PRKG1: variants seen among roughly 807,000 people sequenced by gnomAD.
The protein encoded by PRKG1 is protein kinase cGMP-dependent 1.
In PRKG1, 35 loss-of-function variants were observed where a neutral mutation model predicts 88.1. The ratio of observed to expected loss-of-function variants is 0.40; its 90% CI spans 0.30 to 0.53. PRKG1 has a LOEUF of 0.53. Ranked by LOEUF, PRKG1 falls within the 20% of genes least tolerant of loss-of-function variation. The probability of loss-of-function intolerance (pLI) is 0.59; values close to 1 mark genes in which losing one functional copy is unlikely to be tolerated. For missense variants in PRKG1, 540 were observed against 839.8 expected, an observed-to-expected ratio of 0.64 and a Z score of 4.41; for synonymous variants, 303 against 292.5, an observed-to-expected ratio of 1.04 and a Z score of -0.37.
At chr10:51,973,513 T>A (rs1256373280) in intron 5 of PRKG1, among the ~76,000 whole-genome samples, 4 of 152,164 alleles carry the variant, frequency 2.6e-5, no homozygotes, top group Non-Finnish European at 5.9e-5. Flanking sequence ...TTCTGACTTA[T>A]TCATCCTGTG....
At chr10:51,716,023 A>G (rs962625272) in intron 3 of PRKG1, among the ~76,000 whole-genome samples, 1 of 152,162 alleles carries the variant, frequency 6.6e-6, no homozygotes, top group Admixed American at 6.5e-5. Context: ...GCTTCTTGCT[A>G]TGTGGATGTC....
At chr10:51,414,304 C>T (rs759756212) in intron 2 of PRKG1, among the ~76,000 whole-genome samples, 50 of 152,144 alleles carry the variant, frequency 3.3e-4, no homozygotes, top group Non-Finnish European at 4.9e-4. Context: ...ACAAACAGGA[C>T]GGTGCTAGAA....
At chr10:51,712,765 A>T (rs1589225022) in intron 3 of PRKG1, among the ~76,000 whole-genome samples, 1 of 151,250 alleles carries the variant, frequency 6.6e-6, no homozygotes, top group Non-Finnish European at 1.5e-5. Context: ...AATTTTTTGT[A>T]TTTTTAGTAG....
intron 3 of PRKG1, among the ~76,000 whole-genome samples, chr10:51,607,141 A>G (rs16920202): frequency 0.059 from 8,974 of 152,256 alleles, 315 homozygotes; most frequent in Middle Eastern, 0.11. Flanking sequence ...AAATGTGCAT[A>G]TCGAATTAGT....
intron 7 of PRKG1, chr10:52,127,931 A>G (rs1482599747): frequency 1.5e-5 from 12 of 824,646 alleles, no homozygotes; most frequent in Non-Finnish European, 1.8e-5. Flanking sequence ...AAGGGATCCA[A>G]TTTTCAAAAA....
intron 2 of PRKG1, among the ~76,000 whole-genome samples, chr10:51,184,890 C>A (rs979512691): frequency 1.3e-5 from 2 of 152,078 alleles, no homozygotes; most frequent in Non-Finnish European, 1.5e-5. Context: ...GGAGCTCTGG[C>A]ACTTATATCC....
chr10:51,026,520 G>A (rs974927109), intron 1 of PRKG1, among the ~76,000 whole-genome samples: 1 of 152,150 alleles, frequency 6.6e-6, no homozygotes, highest in Admixed American at 6.6e-5. Context: ...ATGGAACCTA[G>A]TGCCAATCAG....
At chr10:51,105,801 T>C (rs1844820173) in intron 1 of PRKG1, among the ~76,000 whole-genome samples, 1 of 152,222 alleles carries the variant, frequency 6.6e-6, no homozygotes, top group African/African-American at 2.4e-5. Flanking sequence ...TGCCTTCATA[T>C]TGTTTGAGGA....
chr10:51,934,988 A>G lies in PRKG1; in HGVS notation c.762+27418A>G, dbSNP rs150129940. Among the ~76,000 whole-genome samples the G allele has an allele frequency of 4.5e-3, 690 of 152,254 alleles. 7 individuals carry two copies. The highest frequency in any genetic ancestry group is 0.016 in the African/African-American group (657 of 41,554). On this transcript the variant is annotated intron_variant, in intron 5 of 17. Transcript: ENST00000373980. ...GAGGTGGGGGCTTAGAAGACTTTCT[A>G]TCTGCCTCTAGCCTAAGCAGGATGG...
chr10:51,224,204 G>A (rs1298321736), intron 2 of PRKG1, among the ~76,000 whole-genome samples: 3 of 152,174 alleles, frequency 2.0e-5, no homozygotes, highest in African/African-American at 2.4e-5. Flanking sequence ...AAAAGTTAAC[G>A]TTTTCAGTGG....
chr10:52,218,889 G>C (rs1213017184), intron 9 of PRKG1, among the ~76,000 whole-genome samples: 2 of 152,052 alleles, frequency 1.3e-5, no homozygotes, highest in Non-Finnish European at 2.9e-5. Flanking sequence ...ATAATATAAT[G>C]TTAATAATTT....
chr10:51,743,684 AATTT>A (rs1564629859), intron 3 of PRKG1, among the ~76,000 whole-genome samples: 1 of 136,184 alleles, frequency 7.3e-6, no homozygotes, highest in African/African-American at 2.8e-5. Context: ...ATATATATAT[AATTT>A]ATTATATATA....
At chr10:51,543,901 T>C (rs1211580731) in intron 3 of PRKG1, among the ~76,000 whole-genome samples, 18 of 152,164 alleles carry the variant, frequency 1.2e-4, no homozygotes, top group Admixed American at 1.2e-3. Context: ...ACTCTCCTTA[T>C]ATAATTTGTA....
rs573053149 is a variant in PRKG1 at position 51,718,290 on chromosome 10, G to A, written c.593-86295G>A. On this transcript the variant is annotated intron_variant, in intron 3 of 17. Coordinates refer to ENST00000373980, the MANE Select transcript of PRKG1 (RefSeq NM_006258.4). Reference sequence around the variant, plus strand: ...AAAACCAGAAATAAGAGTATTCCTGGCAGAGAACACCTCATGCAAAGTCCA... The same window carrying A: ...AAAACCAGAAATAAGAGTATTCCTGACAGAGAACACCTCATGCAAAGTCCA... Among the ~76,000 whole-genome samples the A allele has an allele frequency of 3.3e-5, 5 of 152,290 alleles. No individual in the cohort carries two copies. The East Asian group carries it at 9.7e-4, about 29-fold the overall frequency.
At chr10:51,472,535 G>C (rs1840074722) in intron 3 of PRKG1, among the ~76,000 whole-genome samples, 1 of 151,946 alleles carries the variant, frequency 6.6e-6, no homozygotes, top group Non-Finnish European at 1.5e-5. Flanking sequence ...TACTGTTAAT[G>C]AAAAGGAGTC....
chr10:51,370,365 G>A (rs1842676309), intron 2 of PRKG1, among the ~76,000 whole-genome samples: 1 of 152,016 alleles, frequency 6.6e-6, no homozygotes, highest in African/African-American at 2.4e-5. Context: ...TTATTTCAGA[G>A]TTTTTCCTAG....
intron 10 of PRKG1, 126 bp downstream of exon 10, chr10:52,251,792 C>A: frequency 2.5e-6 from 2 of 815,772 alleles, no homozygotes; most frequent in South Asian, 1.8e-5. Context: ...ATTCCTAAAT[C>A]AGTTCCAAAT....
chr10:52,157,016 A>C (rs972548248), intron 8 of PRKG1, among the ~76,000 whole-genome samples: 3 of 151,516 alleles, frequency 2.0e-5, no homozygotes, highest in African/African-American at 7.3e-5. Context: ...TACCTTTTAC[A>C]CTTTTTGACT....
At chr10:51,419,802 T>A (rs1317778901) in intron 2 of PRKG1, among the ~76,000 whole-genome samples, 1 of 150,544 alleles carries the variant, frequency 6.6e-6, no homozygotes, top group Non-Finnish European at 1.5e-5. Context: ...AGAGAGCCAA[T>A]AATTTTTTTT....
Sources: gnomAD v4.1 joint callset for allele counts (sites outside exome capture counted in the v4.1 genomes callset) on GRCh38, gnomAD v4.1.1 for gene constraint, MANE v1.5 for transcripts, NCBI Gene and HGNC (gene_info 2026-07-23, HGNC 2026-07-21) for gene names.